Variants in PLP1 observed in about 807,000 individuals in gnomAD.
PLP1 encodes myelin proteolipid protein.
PLP1 carries 2 observed loss-of-function variants against 18.5 expected under a neutral mutation model. That is an observed-to-expected ratio of 0.11 (90% CI 0.04 to 0.34). PLP1 has a LOEUF of 0.34. Ranked by LOEUF, PLP1 falls within the 10% of genes least tolerant of loss-of-function variation. The probability of loss-of-function intolerance (pLI) is 1.00; values close to 1 mark genes in which losing one functional copy is unlikely to be tolerated. For missense variants in PLP1, 105 were observed against 207.3 expected (o/e 0.51, Z 3.03); for synonymous variants, 86 against 83.2 (o/e 1.03, Z -0.19).
At chrX:103,778,807 C>T (rs933552950) in intron 1 of PLP1, among the ~76,000 whole-genome samples, 1 of 112,197 alleles carries the variant, frequency 8.9e-6, no homozygotes, top group African/African-American at 3.2e-5. Context: ...TAACAAGGTA[C>T]TGGACTGCCA....
intron 1 of PLP1, among the ~76,000 whole-genome samples, chrX:103,777,520 G>C (rs1032847123): frequency 8.9e-6 from 1 of 112,409 alleles, no homozygotes; most frequent in African/African-American, 3.2e-5. Flanking sequence ...TTCAGGAAAT[G>C]AAAGTAAAGT....
chrX:103,789,475 AGGTAGACT>A (rs939722157), intron 6 of PLP1, 77 bp downstream of exon 6: 3 of 771,538 alleles, frequency 3.9e-6, no homozygotes, highest in African/African-American at 4.1e-5. Context: ...AAAGGCAAGA[AGGTAGACT>A]GCTTCCATCC....
In PLP1 at chrX:103,790,880, G is replaced by A. The variant is rs374324001; in HGVS notation, c.*282G>A. On this transcript the variant is annotated 3_prime_UTR_variant, in exon 7 of 7. Coordinates refer to ENST00000621218, the MANE Select transcript of PLP1 (RefSeq NM_000533.5). ...AACTGCAAGTCACAAAGGAATGGAG[G>A]CTCTAATTGAATTTTCAAGCATCTC... The A allele has an allele frequency of 2.4e-4, 86 of 355,062 alleles. No individual in the cohort carries two copies. In the East Asian group the frequency reaches 3.3e-3, roughly 14 times the overall value. 29.3% of individuals were successfully genotyped at this position (355,062 alleles called of 1,213,427 possible).
rs137966879 is a variant in PLP1 at position 103,790,563 on chromosome X, G to T, written c.799G>T (p.Val267Phe). The change falls in exon 7 of 7, where the codon GTC becomes TTC. Residue 267 changes from valine (V) to phenylalanine (F), a missense_variant. Coordinates refer to ENST00000621218, the MANE Select transcript of PLP1 (RefSeq NM_000533.5). ...GATTGCTGCCACTTACAACTTTGCC[G>T]TCCTTAAACTCATGGGCCGAGGCAC... The part of the protein sequence containing the change: ...FMIAATYNFA[V>F]LKLMGRGTKF 1 of 1,208,257 alleles carries T rather than the reference G, an allele frequency of 8.3e-7. No individual in the cohort carries two copies.
At position 103,792,041 on chromosome X, in the gene PLP1, A is replaced by T. The variant is rs1343920786; in HGVS notation, c.*1443A>T. On this transcript the variant is annotated 3_prime_UTR_variant, in exon 7 of 7. Coordinates refer to ENST00000621218, the MANE Select transcript of PLP1 (RefSeq NM_000533.5). ...CTATTCAGTTGGTAAGCTTCCAGGA[A>T]AAAGGACAGGCAGAAAGAGTTTGAG... 1.8e-5 allele frequency: 2 copies of T among 111,777 alleles called. No homozygotes were observed. The highest frequency in any genetic ancestry group is 6.5e-5 in the African/African-American group (2 of 30,728). 9.2% of individuals were successfully genotyped at this position (111,777 alleles called of 1,213,427 possible). A position where few individuals can be genotyped will look rare whatever the true frequency, so the allele number is the denominator to read the frequency against.
At chrX:103,787,060 C>T in intron 3 of PLP1, 1 of 279,641 alleles carries the variant, frequency 3.6e-6, no homozygotes, top group Non-Finnish European at 6.3e-6. Context: ...TCTAACTGGA[C>T]AAGAGTCTAA....
rs960791819 is a variant in PLP1 at position 103,791,489 on chromosome X, C to G, written c.*891C>G. 1.8e-5 allele frequency: 2 copies of G among 112,225 alleles called. No individual in the cohort carries two copies. Among genetic ancestry groups the G allele is most frequent in the African/African-American group, 6.5e-5 (2 of 30,755 alleles). The allele number at this position is 112,225 out of a possible 1,213,427, so 9.2% of individuals were successfully genotyped here. On this transcript the variant is annotated 3_prime_UTR_variant, in exon 7 of 7. Coordinates refer to ENST00000621218, the MANE Select transcript of PLP1 (RefSeq NM_000533.5). ...TGGCTAATGGTGTAACCTGAGATGG[C>G]CCTCTGGTAGACACAGGATAGATAA...
Position 103,790,850 on chromosome X carries a change from T to C in PLP1, c.*252T>C, listed in dbSNP as rs955014716. 3.3e-5 allele frequency: 13 copies of C among 397,152 alleles called. No homozygotes were observed. The African/African-American group carries it at 3.3e-4, about 10-fold the overall frequency. The allele number at this position is 397,152 out of a possible 1,213,427, so 32.7% of individuals were successfully genotyped here. ...AATGGGAAATGCCTAAGAAGATGAC[T>C]TCCCAACTGCAAGTCACAAAGGAAT... On this transcript the variant is annotated 3_prime_UTR_variant, in exon 7 of 7. Transcript: ENST00000621218.
At chrX:103,785,509 C>A in intron 1 of PLP1, 73 bp from the exon 2 acceptor site, 1 of 913,003 alleles carries the variant, frequency 1.1e-6, no homozygotes, top group Non-Finnish European at 1.6e-6. Flanking sequence ...GAGCACAGGG[C>A]CTGGCAGAGG....
At chrX:103,789,292 C>T in intron 5 of PLP1, 41 bp from the exon 6 acceptor site, 1 of 965,496 alleles carries the variant, frequency 1.0e-6, no homozygotes. Context: ...CATATTACTG[C>T]TGTTGCAAGA....
At chrX:103,785,078 CT>C (rs1309583459) in intron 1 of PLP1, among the ~76,000 whole-genome samples, 35 of 105,862 alleles carry the variant, frequency 3.3e-4, no homozygotes, top group African/African-American at 5.8e-4. Context: ...TTCTTTCTTT[CT>C]TTTTTTTTTT....
At chrX:103,784,780 G>T (rs1350595457) in intron 1 of PLP1, among the ~76,000 whole-genome samples, 1 of 111,904 alleles carries the variant, frequency 8.9e-6, no homozygotes. Flanking sequence ...AAAATATTAG[G>T]TCTACTTAGC....
In PLP1 at chrX:103,785,661, G is replaced by T; in HGVS notation, c.84G>T (p.Gly28=). 1 of 1,209,395 alleles carries T rather than the reference G, an allele frequency of 8.3e-7. No homozygotes were observed. Among genetic ancestry groups the T allele is most frequent in the East Asian group, 3.0e-5 (1 of 33,836 alleles). Residue 28 remains glycine, a synonymous_variant, in exon 2 of 7, where the codon GGG becomes GGT. Coordinates refer to ENST00000621218, the MANE Select transcript of PLP1 (RefSeq NM_000533.5). ...SLVATGLCFF[G]VALFCGCGHE... is the part of the protein sequence containing the mutation. ...TGGCCACTGGATTGTGTTTCTTTGGGGTGGCACTGTTCTGTGGCTGTGGAC... is the reference window on the plus strand; with the variant it reads ...TGGCCACTGGATTGTGTTTCTTTGGTGTGGCACTGTTCTGTGGCTGTGGAC...
At chrX:103,784,363 A>C (rs1406130074) in intron 1 of PLP1, among the ~76,000 whole-genome samples, 1 of 111,869 alleles carries the variant, frequency 8.9e-6, no homozygotes, top group African/African-American at 3.2e-5. Context: ...ACAGAATCTC[A>C]GCGTATAACT....
intron 4 of PLP1, 74 bp downstream of exon 4, chrX:103,788,040 G>A: frequency 1.2e-6 from 1 of 833,817 alleles, no homozygotes; most frequent in Non-Finnish European, 1.8e-6. Flanking sequence ...TTTTCTTAGT[G>A]TAAGGAGGGT....
intron 1 of PLP1, among the ~76,000 whole-genome samples, chrX:103,779,473 A>G (rs780145270): frequency 8.9e-6 from 1 of 111,970 alleles, no homozygotes; most frequent in Non-Finnish European, 1.9e-5. Context: ...GAATACCAGG[A>G]GCCAAAAATA....
intron 6 of PLP1, among the ~76,000 whole-genome samples, chrX:103,789,708 T>C (rs754842901): frequency 8.9e-6 from 1 of 111,994 alleles, no homozygotes; most frequent in Non-Finnish European, 1.9e-5. Flanking sequence ...TAAATTACGG[T>C]TAATTCTCAA....
In PLP1 at chrX:103,791,014, A is replaced by C; in HGVS notation, c.*416A>C. ...AAGGAATGTCTTTGGTCCTCTTGCC[A>C]TCTATAGGGGCCAAATATATTCTCT... On this transcript the variant is annotated 3_prime_UTR_variant, in exon 7 of 7. Coordinates refer to ENST00000621218, the MANE Select transcript of PLP1 (RefSeq NM_000533.5). 1 of 192,633 alleles carries C rather than the reference A, an allele frequency of 5.2e-6. No individual in the cohort carries two copies. Among genetic ancestry groups the C allele is most frequent in the East Asian group, 1.3e-4 (1 of 7,813 alleles). The allele number at this position is 192,633 out of a possible 1,213,427, so 15.9% of individuals were successfully genotyped here. A position where few individuals can be genotyped will look rare whatever the true frequency, so the allele number is the denominator to read the frequency against.
At position 103,788,492 on chromosome X, in the gene PLP1, C is replaced by T. The variant is rs770845275; in HGVS notation, c.678C>T (p.Ser226=). The part of the protein sequence containing the change: ...PGKVCGSNLL[S]ICKTAEFQMT... ...AGGTTTGTGGCTCCAACCTTCTGTC[C>T]ATCTGCAAAACAGCTGAGGTGAGTG... is the stretch of plus-strand genomic sequence containing the variant. Residue 226 remains serine (S), a synonymous_variant, in exon 5 of 7, where the codon TCC becomes TCT. Coordinates refer to ENST00000621218, the MANE Select transcript of PLP1 (RefSeq NM_000533.5). 1 of 1,205,644 alleles carries T rather than the reference C, an allele frequency of 8.3e-7. No individual in the cohort carries two copies. The highest frequency in any genetic ancestry group is 3.0e-5 in the East Asian group (1 of 33,846).
Sources: allele counts gnomAD v4.1 joint callset (sites outside exome capture counted in the v4.1 genomes callset), GRCh38; gene constraint gnomAD v4.1.1; transcripts MANE v1.5; gene names NCBI Gene and HGNC (gene_info 2026-07-23, HGNC 2026-07-21).